The following IL19 variants were observed in gnomAD, a reference collection of about 807,000 sequenced individuals.
The protein encoded by IL19 is interleukin-19.
IL19 carries 15 observed loss-of-function variants against 19.5 expected under a neutral mutation model. That is an observed-to-expected ratio of 0.77 (90% confidence interval 0.52 to 1.19). IL19 has a LOEUF of 1.19. Ranked by LOEUF, IL19 falls within the 50% of genes most tolerant of loss-of-function variation. The pLI is 0.00. For missense variants in IL19, 199 were observed against 213.1 expected (o/e 0.93, Z 0.41); for synonymous variants, 78 against 78.3 (o/e 1.00, Z 0.02).
chr1:206,830,893 C>T (rs1217733171), intron 2 of IL19, among the ~76,000 whole-genome samples: 1 of 152,122 alleles, frequency 6.6e-6, no homozygotes, highest in Non-Finnish European at 1.5e-5. Flanking sequence ...TCTTTTTTTA[C>T]AAATTCGTTC....
At chr1:206,833,932 C>G in intron 2 of IL19, 1 of 985,596 alleles carries the variant, frequency 1.0e-6, no homozygotes, top group Non-Finnish European at 1.2e-6. Context: ...CTGGATCGTG[C>G]TGCAGCCAGA....
chr1:206,814,362 G>A (rs935589314), intron 2 of IL19, among the ~76,000 whole-genome samples: 4 of 151,480 alleles, frequency 2.6e-5, no homozygotes, highest in African/African-American at 9.7e-5. Flanking sequence ...CATAGAGCAG[G>A]TAAACAGCAT....
intron 2 of IL19, among the ~76,000 whole-genome samples, chr1:206,821,518 A>T (rs1230435144): frequency 6.6e-6 from 1 of 152,240 alleles, no homozygotes; most frequent in East Asian, 1.9e-4. Context: ...CAACGTTGGC[A>T]CTTCCTCCTC....
At chr1:206,819,379 T>A in intron 2 of IL19, among the ~76,000 whole-genome samples, 1 of 150,580 alleles carries the variant, frequency 6.6e-6, no homozygotes, top group Non-Finnish European at 1.5e-5. Flanking sequence ...AGGTCAGGAG[T>A]TCCAGATCAG....
chr1:206,839,210 A>G (rs141927858), intron 4 of IL19, among the ~76,000 whole-genome samples: 2 of 152,294 alleles, frequency 1.3e-5, no homozygotes, highest in East Asian at 1.9e-4. Context: ...GACCTACCCA[A>G]ATATGCCCAT....
chr1:206,775,279 C>T (rs1674963636), intron 1 of IL19, among the ~76,000 whole-genome samples: 1 of 152,016 alleles, frequency 6.6e-6, no homozygotes, highest in South Asian at 2.1e-4. Context: ...GTCTCGATCT[C>T]CTGACCTTAT....
At chr1:206,781,945 A>AGTTATATATACATATATATGTATAT (rs1558606371) in intron 1 of IL19, among the ~76,000 whole-genome samples, 94 of 64,818 alleles carry the variant, frequency 1.5e-3, no homozygotes, top group African/African-American at 4.0e-3. Flanking sequence ...ATATGTATAT[A>AGTTATATATACATATATATGTATAT]GTTATATATA....
chr1:206,771,463 C>A, intron 1 of IL19: 1 of 1,469,212 alleles, frequency 6.8e-7, no homozygotes, highest in Non-Finnish European at 9.4e-7. Flanking sequence ...GGGGAAATAA[C>A]TGAAATGCGG....
intron 1 of IL19, among the ~76,000 whole-genome samples, chr1:206,772,007 C>A (rs545476997): frequency 7.2e-5 from 11 of 152,352 alleles, no homozygotes; most frequent in Admixed American, 7.2e-4. Context: ...AGAGCGCCAG[C>A]AGGATCTTAT....
intron 2 of IL19, chr1:206,834,142 C>A (rs1676705351): frequency 1.4e-5 from 14 of 985,476 alleles, no homozygotes; most frequent in Non-Finnish European, 1.7e-5. Flanking sequence ...TTCCTAGAAG[C>A]TGCATGTCAA....
chr1:206,836,920 C>T, intron 3 of IL19, 38 bp from the exon 4 acceptor site: 4 of 1,601,786 alleles, frequency 2.5e-6, no homozygotes, highest in Non-Finnish European at 3.4e-6. Flanking sequence ...ACATAGGATA[C>T]CGATTGCTTA....
chr1:206,822,640 T>C lies in IL19; in HGVS notation c.-2-14021T>C, dbSNP rs564547036. 4.7e-4 allele frequency among the ~76,000 whole-genome samples: 71 copies of C among 152,312 alleles called. 1 individual carries two copies. The highest frequency in any genetic ancestry group is 1.7e-3 in the African/African-American group (71 of 41,572). The stretch of plus-strand genomic sequence containing the variant: ...GTTGTAAGGATTAAATAAATTAATA[T>C]ATTGAAAATGCTTAGCACAGAGCCC... On this transcript the variant is annotated intron_variant, in intron 2 of 6. Transcript: ENST00000659997.
chr1:206,798,425 G>A (rs1450677861), intron 1 of IL19, among the ~76,000 whole-genome samples: 1 of 152,132 alleles, frequency 6.6e-6, no homozygotes, highest in African/African-American at 2.4e-5. Flanking sequence ...AAAGGAAAGT[G>A]GGATTTAATT....
At chr1:206,798,789 C>A in intron 1 of IL19, 72 bp from the exon 2 acceptor site, 2 of 818,700 alleles carry the variant, frequency 2.4e-6, no homozygotes. Flanking sequence ...TTTTGCCGAC[C>A]TCAAAGCCAC....
chr1:206,839,700 G>C lies in IL19; in HGVS notation c.211-150G>C, dbSNP rs563887461. 8.6e-6 allele frequency: 6 copies of C among 693,674 alleles called. No homozygotes were observed. The African/African-American group carries it at 1.1e-4, about 12-fold the overall frequency. The allele number at this position is 693,674 out of a possible 1,614,324, so 43.0% of individuals were successfully genotyped here. A position where few individuals can be genotyped will look rare whatever the true frequency, so the allele number is the denominator to read the frequency against. On this transcript the variant is annotated intron_variant, in intron 4 of 6. Coordinates refer to ENST00000659997, the MANE Select transcript of IL19 (RefSeq NM_153758.5). ...TCATAAGTAGCTTTGATGGGAATAA[G>C]AGAGGATGAACACTCTGAGACCATT...
intron 1 of IL19, among the ~76,000 whole-genome samples, chr1:206,794,322 G>A (rs915337078): frequency 3.3e-5 from 5 of 152,258 alleles, no homozygotes; most frequent in South Asian, 2.1e-4. Context: ...CACTCAATGC[G>A]TGGTGGTTTA....
Position 206,814,293 on chromosome 1 carries a change from G to C in IL19, c.-3+15287G>C, listed in dbSNP as rs114684222. ...ATATTAATAGAACATTGCTTAGGCA[G>C]AGAATATGCCAAACCCAAGTATGTA... On this transcript the variant is annotated intron_variant, in intron 2 of 6. Transcript: ENST00000659997. 7.5e-3 allele frequency among the ~76,000 whole-genome samples: 1,147 copies of C among 151,972 alleles called. 4 individuals are homozygous for C. The highest frequency in any genetic ancestry group is 0.012 in the Non-Finnish European group (829 of 67,976).
At chr1:206,817,359 G>T (rs1279974947) in intron 2 of IL19, among the ~76,000 whole-genome samples, 1 of 152,182 alleles carries the variant, frequency 6.6e-6, no homozygotes, top group Non-Finnish European at 1.5e-5. Flanking sequence ...CAGGGAGACA[G>T]ATTTGAGCTT....
chr1:206,793,984 G>A (rs570503084), intron 1 of IL19, among the ~76,000 whole-genome samples: 3 of 152,294 alleles, frequency 2.0e-5, no homozygotes, highest in Admixed American at 6.5e-5. Flanking sequence ...AGTCAAGAGG[G>A]CAGATCCCTA....
Sources: allele counts gnomAD v4.1 joint callset (sites outside exome capture counted in the v4.1 genomes callset), GRCh38; gene constraint gnomAD v4.1.1; transcripts MANE v1.5; gene names NCBI Gene and HGNC (gene_info 2026-07-23, HGNC 2026-07-21).